NIPSNAP3B: variants seen among roughly 807,000 people sequenced by gnomAD.
NIPSNAP3B encodes the protein nipsnap homolog 3B.
NIPSNAP3B carries 30 observed loss-of-function variants against 31.5 expected under a neutral mutation model. The observed-to-expected ratio is 0.95, with a 90% CI of 0.71 to 1.29. The LOEUF (loss-of-function observed/expected upper bound fraction) is 1.29, where lower values mean the gene tolerates loss of function less well. Among genes scored for constraint, NIPSNAP3B ranks in the 50% most tolerant of loss-of-function variants. The probability of loss-of-function intolerance (pLI) is 0.00; values close to 1 mark genes in which losing one functional copy is unlikely to be tolerated. For missense variants in NIPSNAP3B, 269 were observed against 300.7 expected (o/e 0.89, Z 0.78); for synonymous variants, 106 against 107.9 (o/e 0.98, Z 0.11).
chr9:104,778,789 T>C (rs901630795), downstream of NIPSNAP3B, among the ~76,000 whole-genome samples: 1 of 152,218 alleles, frequency 6.6e-6, no homozygotes, highest in African/African-American at 2.4e-5. Context: ...TTAGTCTTCC[T>C]ACTGTCCTTT....
chr9:104,766,126 G>T (rs1828085345), intron 1 of NIPSNAP3B, among the ~76,000 whole-genome samples, 199 bp from the exon 2 acceptor site: 1 of 152,140 alleles, frequency 6.6e-6, no homozygotes, highest in South Asian at 2.1e-4. Context: ...GGAAACAGTT[G>T]CTATATATTC....
At chr9:104,788,091 T>C in the NIPSNAP3B span, 25 of 1,606,950 alleles carry the variant, frequency 1.6e-5, no homozygotes, top group African/African-American at 3.2e-4. Flanking sequence ...TTGGTCTGGC[T>C]TGGGAATTTT....
the NIPSNAP3B span, among the ~76,000 whole-genome samples, chr9:104,784,929 C>T: frequency 6.6e-6 from 1 of 152,168 alleles, no homozygotes; most frequent in Non-Finnish European, 1.5e-5. Context: ...CAGGCATGAG[C>T]CACCACGCCC....
In NIPSNAP3B at chr9:104,773,308, C is replaced by G; in HGVS notation, c.*235C>G. On this transcript the variant is annotated 3_prime_UTR_variant, in exon 6 of 6. Transcript: ENST00000374762. ...TCTGTTACACATTAGAAGTAGTTGT[C>G]ACTATTTCATCATCTTGGTTTTTCA... 1 of 461,922 alleles carries G rather than the reference C, an allele frequency of 2.2e-6. No homozygotes were observed. The highest frequency in any genetic ancestry group is 3.6e-5 in the East Asian group (1 of 28,056). The allele number at this position is 461,922 out of a possible 1,614,324, so 28.6% of individuals were successfully genotyped here.
At chr9:104,770,817 C>T (rs573095762) in intron 3 of NIPSNAP3B, 32 bp from the exon 4 acceptor site, 1 of 1,601,842 alleles carries the variant, frequency 6.2e-7, no homozygotes, top group Admixed American at 1.7e-5. Flanking sequence ...TGAATGTCTT[C>T]TGTGAAATAA....
At chr9:104,781,452 G>C (rs908889122), downstream of NIPSNAP3B, 3 of 152,540 alleles carry the variant, frequency 2.0e-5, no homozygotes, top group Admixed American at 6.5e-5. Flanking sequence ...TATCAAAGTG[G>C]TTCAGTATTA....
In NIPSNAP3B at chr9:104,766,507, G is replaced by A. The variant is rs752178865; in HGVS notation, c.243G>A (p.Thr81=). 2.4e-5 allele frequency: 39 copies of A among 1,613,444 alleles called. No individual in the cohort carries two copies. The East Asian group carries it at 3.8e-4, about 16-fold the overall frequency. The part of the protein sequence containing the change: ...GFWSVEFGGR[T]NKVFHIWKYD... The stretch of plus-strand genomic sequence containing the variant: ...GGAGTGTAGAATTTGGAGGCAGAAC[G>A]AATAAAGTGTTTCATATTTGGAAGT... Residue 81 remains threonine, a synonymous_variant, in exon 2 of 6, where the codon ACG becomes ACA. Transcript: ENST00000374762.
intron 2 of NIPSNAP3B, 25 bp from the exon 3 acceptor site, chr9:104,768,838 T>G: frequency 6.3e-7 from 1 of 1,580,708 alleles, no homozygotes; most frequent in East Asian, 2.2e-5. Context: ...AAAAAAACAT[T>G]TTCTTAACTA....
At position 104,764,320 on chromosome 9, in the gene NIPSNAP3B, G is replaced by T; in HGVS notation, c.60+20G>T. ...CCTCAGGTACTGGCCGCGGGGGCGC[G>T]CCCGAGCCCTGGCCGGAGGGGAGGG... On this transcript the variant is annotated intron_variant, in intron 1 of 5. Coordinates refer to ENST00000374762, the MANE Select transcript of NIPSNAP3B (RefSeq NM_018376.4). 1 of 1,565,720 alleles carries T rather than the reference G, an allele frequency of 6.4e-7. No homozygotes were observed. Among genetic ancestry groups the T allele is most frequent in the South Asian group, 1.2e-5 (1 of 85,176 alleles).
rs935832562 is a variant in NIPSNAP3B at position 104,777,401 on chromosome 9, T to C, written c.*4328T>C. 6.6e-6 allele frequency: 1 copy of C among 152,250 alleles called. No individual in the cohort carries two copies. Among genetic ancestry groups the C allele is most frequent in the African/African-American group, 2.4e-5 (1 of 41,468 alleles). The allele number at this position is 152,250 out of a possible 1,614,324, so 9.4% of individuals were successfully genotyped here. The stretch of plus-strand genomic sequence containing the variant: ...TTCATAACTGCTGTCACCTAGAATG[T>C]CTATTCTCTAAGCACCTTCTTGAAA... On this transcript the variant is annotated 3_prime_UTR_variant, in exon 6 of 6. Transcript: ENST00000374762.
the NIPSNAP3B span, among the ~76,000 whole-genome samples, chr9:104,784,867 C>T: frequency 2.0e-5 from 3 of 152,162 alleles, no homozygotes; most frequent in East Asian, 5.8e-4. Context: ...TTATCTGGAT[C>T]TCCTGACCTC....
At chr9:104,781,352 G>A (rs1828534946), downstream of NIPSNAP3B, 1 of 152,528 alleles carries the variant, frequency 6.6e-6, no homozygotes, top group Non-Finnish European at 1.5e-5. Context: ...TAAGGGGGAT[G>A]CAACAATTTT....
the NIPSNAP3B span, chr9:104,786,379 C>T: frequency 1.2e-6 from 2 of 1,614,096 alleles, no homozygotes; most frequent in Non-Finnish European, 1.7e-6. Flanking sequence ...AAGAGCTTCA[C>T]ATTCTTCCAT....
chr9:104,773,099 C>A lies in NIPSNAP3B; in HGVS notation c.*26C>A. 6.2e-7 allele frequency: 1 copy of A among 1,601,182 alleles called. No individual in the cohort carries two copies. Among genetic ancestry groups the A allele is most frequent in the South Asian group, 1.1e-5 (1 of 90,736 alleles). On this transcript the variant is annotated 3_prime_UTR_variant, in exon 6 of 6. Coordinates refer to ENST00000374762, the MANE Select transcript of NIPSNAP3B (RefSeq NM_018376.4). Reference sequence around the variant, plus strand: ...TTTTCTACTGAAATACAAAACATTTCATTAACTGCTCTAAGATGTGTCTGC... The same window carrying A: ...TTTTCTACTGAAATACAAAACATTTAATTAACTGCTCTAAGATGTGTCTGC...
At chr9:104,782,723 A>G (rs182916331), downstream of NIPSNAP3B, 21 of 152,310 alleles carry the variant, frequency 1.4e-4, no homozygotes, top group African/African-American at 4.8e-4. Context: ...ATTTGAAGGT[A>G]CTAAATGCCA....
Position 104,773,404 on chromosome 9 carries a change from G to T in NIPSNAP3B, c.*331G>T. 5.4e-6 allele frequency: 1 copy of T among 184,420 alleles called. No individual in the cohort carries two copies. 11.4% of individuals were successfully genotyped at this position (184,420 alleles called of 1,614,324 possible). A position where few individuals can be genotyped will look rare whatever the true frequency, so the allele number is the denominator to read the frequency against. On this transcript the variant is annotated 3_prime_UTR_variant, in exon 6 of 6. Transcript: ENST00000374762. Reference sequence around the variant, plus strand: ...ATAGCATTTTCTTTTACTCAAATAAGGATTTTACATTTCCTTGCCTGACAG... The same window carrying T: ...ATAGCATTTTCTTTTACTCAAATAATGATTTTACATTTCCTTGCCTGACAG...
At chr9:104,789,965 G>A in the NIPSNAP3B span, among the ~76,000 whole-genome samples, 9 of 151,964 alleles carry the variant, frequency 5.9e-5, no homozygotes, top group Non-Finnish European at 1.0e-4. Flanking sequence ...GCATTGTGGC[G>A]GGCACCTGTA....
At chr9:104,784,273 A>G in the NIPSNAP3B span, 3 of 1,613,144 alleles carry the variant, frequency 1.9e-6, no homozygotes, top group Non-Finnish European at 2.5e-6. Flanking sequence ...AGGAAAGTCT[A>G]GTTCCTCTTT....
At chr9:104,770,299 GA>G (rs1431742210) in intron 3 of NIPSNAP3B, among the ~76,000 whole-genome samples, 2 of 152,072 alleles carry the variant, frequency 1.3e-5, no homozygotes, top group African/African-American at 4.8e-5. Context: ...GGATATTTAG[GA>G]AGAATAAAAC....
Sources: allele counts gnomAD v4.1 joint callset (sites outside exome capture counted in the v4.1 genomes callset), GRCh38; gene constraint gnomAD v4.1.1; transcripts MANE v1.5; gene names NCBI Gene and HGNC (gene_info 2026-07-23, HGNC 2026-07-21).